The following VSTM1 variants were observed in gnomAD, a reference collection of about 807,000 sequenced individuals.
VSTM1 encodes V-set and transmembrane domain-containing protein 1.
VSTM1 carries 27 observed loss-of-function variants against 33.1 expected under a neutral mutation model. The observed-to-expected ratio is 0.82, with a 90% CI of 0.60 to 1.12. VSTM1 has a LOEUF of 1.12. Ranked by LOEUF, VSTM1 falls within the 50% of genes most tolerant of loss-of-function variation. VSTM1 has a pLI of 0.00. For synonymous variants in VSTM1, 115 were observed against 110.3 expected (o/e 1.04, Z -0.27); for missense variants, 304 against 288.9 (o/e 1.05, Z -0.38).
rs1281647385 is a variant in VSTM1, at chr19:54,056,500, C to CA, written c.355+1805dup. On this transcript the variant is annotated intron_variant, in intron 3 of 8. Coordinates refer to ENST00000338372, the MANE Select transcript of VSTM1 (RefSeq NM_198481.4). ...CCTCCCAAAGTGCTAGGATTACAGG[C>CA]ATGAACCACCACACCTGGCCAACTC... Among the ~76,000 whole-genome samples the CA allele has an allele frequency of 4.3e-5, 6 of 139,704 alleles. 1 individual carries two copies. The highest frequency in any genetic ancestry group is 1.6e-4 in the African/African-American group (6 of 37,770). The allele number at this position is 139,704 out of a possible 152,430, so 91.7% of individuals were successfully genotyped here.
chr19:54,041,153 C>T (rs2070242222), intron 8 of VSTM1, 73 bp from the exon 9 acceptor site: 2 of 1,407,578 alleles, frequency 1.4e-6, no homozygotes, highest in South Asian at 1.5e-5. Flanking sequence ...TGGCTATTGA[C>T]ATTTAAGTTA....
intron 1 of VSTM1, among the ~76,000 whole-genome samples, chr19:54,061,016 C>CTTTTTTTT (rs10693760): frequency 8.8e-4 from 101 of 115,038 alleles, no homozygotes; most frequent in South Asian, 1.7e-3. Flanking sequence ...TTTTTCTTTT[C>CTTTTTTTT]TTTTTTTTTT....
Position 54,053,798 on chromosome 19 carries a change from TA to T in VSTM1, c.356-2351del, listed in dbSNP as rs770653736. ...AATTTGTTATGCAGCTGTAGATCAC[TA>T]ATACAATGCCTCTCACAGTTATTCT... On this transcript the variant is annotated intron_variant, in intron 3 of 8. Transcript: ENST00000338372. 1.2e-4 allele frequency among the ~76,000 whole-genome samples: 17 copies of T among 142,598 alleles called. 2 individuals carry two copies. Among genetic ancestry groups the T allele is most frequent in the Non-Finnish European group, 1.9e-4 (12 of 64,616 alleles). The allele number at this position is 142,598 out of a possible 152,430, so 93.5% of individuals were successfully genotyped here. A position where few individuals can be genotyped will look rare whatever the true frequency, so the allele number is the denominator to read the frequency against.
At chr19:54,041,620 T>A (rs2070275359) in intron 8 of VSTM1, among the ~76,000 whole-genome samples, 159 bp downstream of exon 8, 1 of 151,912 alleles carries the variant, frequency 6.6e-6, no homozygotes, top group African/African-American at 2.4e-5. Context: ...GCCTTTTAAA[T>A]GGAGATTTTG....
At position 54,057,383 on chromosome 19, in the gene VSTM1, T is replaced by C. The variant is rs376349018; in HGVS notation, c.355+923A>G. Among the ~76,000 whole-genome samples the C allele has an allele frequency of 2.1e-5, 2 of 96,456 alleles. 1 individual carries two copies. Among genetic ancestry groups the C allele is most frequent in the Non-Finnish European group, 4.7e-5 (2 of 42,908 alleles). 63.3% of individuals were successfully genotyped at this position (96,456 alleles called of 152,430 possible). ...TTTAAAAATTAGCCAGGCATGGTGG[T>C]GCTTGCCTGTACTCCCAGCTACTTG... On this transcript the variant is annotated intron_variant, in intron 3 of 8. Coordinates refer to ENST00000338372, the MANE Select transcript of VSTM1 (RefSeq NM_198481.4).
chr19:54,047,997 T>G (rs1363326006), intron 4 of VSTM1, among the ~76,000 whole-genome samples: 3 of 152,246 alleles, frequency 2.0e-5, no homozygotes, highest in Admixed American at 2.0e-4. Flanking sequence ...AAGTCTTGTG[T>G]GATAAAATTC....
At chr19:54,050,498 A>G (rs112829864) in intron 4 of VSTM1, among the ~76,000 whole-genome samples, 7 of 151,890 alleles carry the variant, frequency 4.6e-5, no homozygotes, top group African/African-American at 1.7e-4. Context: ...GTCACTGAAA[A>G]ATTCACCCCC....
rs745734767 is a variant in VSTM1, at chr19:54,058,311, AC to A, written c.349del (p.Val117SerfsTer13). ...AGTACATCTGCCCTTCTCACCTGTG[AC>A]CACCAGCTGCAAGTGTTCACTGCTT... ...SESSEHLQLV[V>X]TDKHDELEAP... On this transcript the variant is annotated frameshift_variant, in exon 3 of 9. Coordinates refer to ENST00000338372, the MANE Select transcript of VSTM1 (RefSeq NM_198481.4). LOFTEE classifies it high-confidence loss of function. The A allele has an allele frequency of 3.0e-5, 49 of 1,613,468 alleles. No homozygotes were observed. The Middle Eastern group carries it at 6.6e-4, about 22-fold the overall frequency.
intron 4 of VSTM1, among the ~76,000 whole-genome samples, chr19:54,049,319 T>C (rs778454525): frequency 6.6e-6 from 1 of 152,070 alleles, no homozygotes; most frequent in South Asian, 2.1e-4. Context: ...CAGAGAAGCA[T>C]ATGAATGGTT....
At chr19:54,041,980 G>A (rs780684048) in intron 6 of VSTM1, 27 bp from the exon 7 acceptor site, 2 of 1,614,090 alleles carry the variant, frequency 1.2e-6, no homozygotes, top group Admixed American at 1.7e-5. Flanking sequence ...CACGTGAAAG[G>A]ATGGGATGTG....
intron 1 of VSTM1, 94 bp from the exon 2 acceptor site, chr19:54,058,826 G>GAGAT (rs2071240487): frequency 6.7e-6 from 4 of 599,280 alleles, no homozygotes; most frequent in East Asian, 3.2e-5. Context: ...ATAGGTCTGA[G>GAGAT]ATATATATAT....
At chr19:54,044,620 A>C (rs1306984035) in intron 4 of VSTM1, among the ~76,000 whole-genome samples, 3 of 151,994 alleles carry the variant, frequency 2.0e-5, no homozygotes, top group Non-Finnish European at 4.4e-5. Context: ...AAAACAAAAC[A>C]AAAAAAACTA....
At chr19:54,042,918 G>A (rs1419837377) in intron 4 of VSTM1, among the ~76,000 whole-genome samples, 1 of 143,064 alleles carries the variant, frequency 7.0e-6, no homozygotes, top group Non-Finnish European at 1.5e-5. Flanking sequence ...TGTGATCCTG[G>A]CTCACTGCAA....
At chr19:54,059,320 C>T (rs1181070302) in intron 1 of VSTM1, among the ~76,000 whole-genome samples, 1 of 152,180 alleles carries the variant, frequency 6.6e-6, no homozygotes, top group Non-Finnish European at 1.5e-5. Context: ...CTCGGCCTCC[C>T]AAAGTGCTGG....
Position 54,057,150 on chromosome 19 carries a change from C to T in VSTM1, c.355+1156G>A, listed in dbSNP as rs1029027513. ...GGATTACAGGCATGAGCCACCGCGC[C>T]GTGCCTGGCCTGCATCTATCTTTTT... On this transcript the variant is annotated intron_variant, in intron 3 of 8. Transcript: ENST00000338372. Among the ~76,000 whole-genome samples the T allele has an allele frequency of 7.8e-5, 11 of 140,148 alleles. 2 individuals are homozygous for T. Among genetic ancestry groups the T allele is most frequent in the African/African-American group, 1.6e-4 (6 of 38,070 alleles). The allele number at this position is 140,148 out of a possible 152,430, so 91.9% of individuals were successfully genotyped here. A position where few individuals can be genotyped will look rare whatever the true frequency, so the allele number is the denominator to read the frequency against.
Position 54,042,165 on chromosome 19 carries a change from C to G in VSTM1, c.515+4G>C. 6.2e-7 allele frequency: 1 copy of G among 1,613,976 alleles called. No individual in the cohort carries two copies. Among genetic ancestry groups the G allele is most frequent in the Non-Finnish European group, 8.5e-7 (1 of 1,179,986 alleles). On this transcript the variant is annotated splice_donor_region_variant and intron_variant, in intron 6 of 8. Transcript: ENST00000338372. ...GTGGAGCATGAGCTATGCCAAGCAT[C>G]TACCTCTTGGTGGATTCCTCAGATG...
chr19:54,052,200 C>A (rs1368138679), intron 3 of VSTM1, among the ~76,000 whole-genome samples: 2 of 150,824 alleles, frequency 1.3e-5, no homozygotes, highest in Admixed American at 6.6e-5. Context: ...AGATCGAGAC[C>A]ATCCTGGCTA....
intron 3 of VSTM1, among the ~76,000 whole-genome samples, chr19:54,054,087 TA>T (rs1229789674): frequency 7.1e-6 from 1 of 141,512 alleles, no homozygotes; most frequent in Non-Finnish European, 1.6e-5. Context: ...AATAAAAAAG[TA>T]AAAAGTAGTA....
chr19:54,060,148 G>A (rs116154077), intron 1 of VSTM1, among the ~76,000 whole-genome samples: 8,643 of 152,122 alleles, frequency 0.057, 288 homozygotes, highest in Admixed American at 0.1. Context: ...CACCGCGCCC[G>A]GCCGAGAGGA....
Sources: allele counts gnomAD v4.1 joint callset (sites outside exome capture counted in the v4.1 genomes callset), GRCh38; gene constraint gnomAD v4.1.1; transcripts MANE v1.5; gene names NCBI Gene and HGNC (gene_info 2026-07-23, HGNC 2026-07-21).